TRPM3: variants seen among roughly 807,000 people sequenced by gnomAD.
TRPM3 encodes transient receptor potential cation channel subfamily M member 3, also known as long transient receptor potential channel 3.
A neutral mutation model predicts 181.2 loss-of-function variants in TRPM3; 77 were observed. The ratio of observed to expected loss-of-function variants is 0.42; its 90% CI spans 0.35 to 0.51. The LOEUF is 0.51. TRPM3 is among the 20% of genes least tolerant of loss of function. The pLI is 0.01. For missense variants in TRPM3, 1,759 were observed against 2,196.7 expected (o/e 0.80, Z 3.98); for synonymous variants, 745 against 796.4 (o/e 0.94, Z 1.09).
rs947831826 is a variant in TRPM3 at position 71,442,873 on chromosome 9, G to A, written c.183+3780C>T. Among the ~76,000 whole-genome samples the A allele has an allele frequency of 4.6e-5, 7 of 152,192 alleles. No individual in the cohort carries two copies. In the East Asian group the frequency reaches 1.3e-3, roughly 29 times the overall value. On this transcript the variant is annotated intron_variant, in intron 1 of 24. Coordinates refer to the TRPM3 transcript ENST00000357533. ...TGCACAGATAGAATCAAAACAAATA[G>A]CAGGAATAACAAGAACAATAATTCA...
chr9:71,094,984 A>G (rs139669833), intron 1 of TRPM3, among the ~76,000 whole-genome samples: 190 of 152,260 alleles, frequency 1.2e-3, no homozygotes, highest in African/African-American at 4.2e-3. Flanking sequence ...TAGCTCTAGA[A>G]AGGTCTAAGT....
intron 22 of TRPM3, among the ~76,000 whole-genome samples, chr9:70,558,682 C>A (rs972082330): frequency 6.6e-6 from 1 of 152,162 alleles, no homozygotes; most frequent in African/African-American, 2.4e-5. Flanking sequence ...TTTGGCCAAG[C>A]ACCTGGCCAA....
chr9:71,206,292 C>T (rs1213726083), intron 1 of TRPM3, among the ~76,000 whole-genome samples: 6 of 152,160 alleles, frequency 3.9e-5, no homozygotes, highest in African/African-American at 1.4e-4. Context: ...GCCGTTCTAA[C>T]TGGTGTGAGA....
chr9:70,691,833 A>G (rs1340648510), intron 8 of TRPM3, among the ~76,000 whole-genome samples: 1 of 152,236 alleles, frequency 6.6e-6, no homozygotes, highest in Non-Finnish European at 1.5e-5. Flanking sequence ...TACTGAGACT[A>G]CTGAGGATAT....
chr9:71,211,017 C>T (rs2079463627), intron 1 of TRPM3, among the ~76,000 whole-genome samples: 1 of 152,164 alleles, frequency 6.6e-6, no homozygotes, highest in Non-Finnish European at 1.5e-5. Context: ...TCTTGCAGGC[C>T]CTATTTCCAA....
chr9:70,644,374 T>G (rs752484341), intron 9 of TRPM3, among the ~76,000 whole-genome samples: 1 of 152,188 alleles, frequency 6.6e-6, no homozygotes, highest in Non-Finnish European at 1.5e-5. Context: ...ATTTTGCTAA[T>G]TGGCTGGAGC....
intron 1 of TRPM3, among the ~76,000 whole-genome samples, chr9:71,327,521 A>G (rs1183812169): frequency 6.6e-6 from 1 of 152,192 alleles, no homozygotes; most frequent in Admixed American, 6.5e-5. Flanking sequence ...AAGGAGATAC[A>G]AAATATGAGA....
Position 71,058,337 on chromosome 9 carries a change from T to C in TRPM3, c.177+62841A>G, listed in dbSNP as rs112194648. ...TCTTCAGCTGCCCAGGCCCTCTTGATATTAATATGGGAATTAGGAAGCCAA... is the reference window on the plus strand; with the variant it reads ...TCTTCAGCTGCCCAGGCCCTCTTGACATTAATATGGGAATTAGGAAGCCAA... On this transcript the variant is annotated intron_variant, in intron 1 of 25. Coordinates refer to ENST00000677713, the MANE Select transcript of TRPM3 (RefSeq NM_001366145.2). Among the ~76,000 whole-genome samples, 26 of 152,016 alleles carry C rather than the reference T, an allele frequency of 1.7e-4. 2 individuals are homozygous for C. Among genetic ancestry groups the C allele is most frequent in the Non-Finnish European group, 7.4e-5 (5 of 67,950 alleles).
At chr9:71,129,595 C>T (rs984750537) in intron 1 of TRPM3, among the ~76,000 whole-genome samples, 4 of 152,110 alleles carry the variant, frequency 2.6e-5, no homozygotes, top group Non-Finnish European at 4.4e-5. Flanking sequence ...CAGAAGGTCA[C>T]GTGGGTGGTA....
At chr9:71,255,888 G>C (rs2082642081) in intron 1 of TRPM3, among the ~76,000 whole-genome samples, 1 of 152,112 alleles carries the variant, frequency 6.6e-6, no homozygotes. Flanking sequence ...AGCTTCTTAT[G>C]GACAGCTGTT....
intron 5 of TRPM3, among the ~76,000 whole-genome samples, chr9:70,829,043 A>G (rs1024627304): frequency 6.6e-6 from 1 of 152,212 alleles, no homozygotes; most frequent in Non-Finnish European, 1.5e-5. Flanking sequence ...AGAATATTCA[A>G]CAGGCTAATT....
chr9:70,937,585 G>A (rs1051014686), intron 1 of TRPM3, among the ~76,000 whole-genome samples: 7 of 152,128 alleles, frequency 4.6e-5, no homozygotes, highest in South Asian at 2.1e-4. Context: ...GCTGCCATTC[G>A]TGAGTCAAAA....
intron 1 of TRPM3, among the ~76,000 whole-genome samples, chr9:71,160,601 C>G (rs917847680): frequency 9.9e-5 from 15 of 152,154 alleles, no homozygotes; most frequent in Non-Finnish European, 1.9e-4. Context: ...TTTACTTCCA[C>G]AAAATACAAT....
chr9:70,983,703 C>A (rs2097389538), intron 1 of TRPM3, among the ~76,000 whole-genome samples: 1 of 152,128 alleles, frequency 6.6e-6, no homozygotes, highest in Non-Finnish European at 1.5e-5. Context: ...GACAGGATAG[C>A]TAGAAGTGGA....
intron 1 of TRPM3, among the ~76,000 whole-genome samples, chr9:71,372,702 A>G (rs1350166672): frequency 6.6e-6 from 1 of 152,110 alleles, no homozygotes; most frequent in Non-Finnish European, 1.5e-5. Flanking sequence ...AATGAGGATC[A>G]TTTCACACAT....
chr9:70,584,517 A>G (rs541809156), intron 22 of TRPM3, among the ~76,000 whole-genome samples: 1 of 152,312 alleles, frequency 6.6e-6, no homozygotes, highest in East Asian at 1.9e-4. Flanking sequence ...TAGCTTCAAG[A>G]TACTTGACCT....
intron 1 of TRPM3, among the ~76,000 whole-genome samples, chr9:71,369,295 G>C (rs1204213083): frequency 6.6e-6 from 1 of 152,120 alleles, no homozygotes; most frequent in Admixed American, 6.5e-5. Context: ...TGGAATACTA[G>C]AAGTTTTTAA....
chr9:71,364,765 C>A (rs976097114), intron 1 of TRPM3, among the ~76,000 whole-genome samples: 7 of 152,080 alleles, frequency 4.6e-5, no homozygotes, highest in African/African-American at 1.7e-4. Flanking sequence ...GGAAGTGACC[C>A]AGGGCACTGA....
At position 70,916,323 on chromosome 9, in the gene TRPM3, T is replaced by C. The variant is rs550901634; in HGVS notation, c.178-51812A>G. Among the ~76,000 whole-genome samples the C allele has an allele frequency of 1.2e-3, 182 of 152,286 alleles. 1 individual carries two copies. The highest frequency in any genetic ancestry group is 4.2e-3 in the African/African-American group (176 of 41,564). On this transcript the variant is annotated intron_variant, in intron 1 of 25. Transcript: ENST00000677713. ...CTGAAGGTACAAAACTCATTGGTAA[T>C]AGTAAGTACACAGAAAAATATAGAA...
Sources: allele counts gnomAD v4.1 joint callset (sites outside exome capture counted in the v4.1 genomes callset), GRCh38; gene constraint gnomAD v4.1.1; transcripts MANE v1.5; gene names NCBI Gene and HGNC (gene_info 2026-07-23, HGNC 2026-07-21).